Variants in PRKCH observed in about 807,000 individuals in gnomAD.
The protein encoded by PRKCH is protein kinase C eta type.
In PRKCH, 28 loss-of-function variants were observed where a neutral mutation model predicts 82.5. The ratio of observed to expected loss-of-function variants is 0.34; its 90% confidence interval spans 0.25 to 0.47. The LOEUF (loss-of-function observed/expected upper bound fraction) is 0.47, where lower values mean the gene tolerates loss of function less well. PRKCH is among the 20% of genes least tolerant of loss of function. The probability of loss-of-function intolerance (pLI) is 1.00; values close to 1 mark genes in which losing one functional copy is unlikely to be tolerated. For missense variants in PRKCH, 705 were observed against 881.8 expected (o/e 0.80, Z 2.54); for synonymous variants, 322 against 327.4 (o/e 0.98, Z 0.18).
At chr14:61,485,359 C>A in intron 9 of PRKCH, 143 bp from the exon 10 acceptor site, 1 of 1,116,060 alleles carries the variant, frequency 9.0e-7, no homozygotes, top group Non-Finnish European at 1.3e-6. Context: ...TGCACTGCAC[C>A]CTGACCCATG....
At chr14:61,497,758 A>G (rs1886733604) in intron 10 of PRKCH, among the ~76,000 whole-genome samples, 1 of 152,114 alleles carries the variant, frequency 6.6e-6, no homozygotes, top group Non-Finnish European at 1.5e-5. Flanking sequence ...CCTTTTCAGT[A>G]TAAGAGGATG....
At chr14:61,365,487 T>C (rs1357041470) in intron 1 of PRKCH, among the ~76,000 whole-genome samples, 1 of 152,096 alleles carries the variant, frequency 6.6e-6, no homozygotes, top group African/African-American at 2.4e-5. Flanking sequence ...AGACTACAAG[T>C]GTAGAGGGAA....
intron 1 of PRKCH, among the ~76,000 whole-genome samples, chr14:61,368,483 C>T (rs915278105): frequency 6.6e-5 from 10 of 152,066 alleles, no homozygotes; most frequent in African/African-American, 2.2e-4. Context: ...CCAGACTGAA[C>T]TGCGAGGAAA....
rs138425733 is a variant in PRKCH, at chr14:61,410,854, A to G, written c.427+19566A>G. Among the ~76,000 whole-genome samples, 35 of 152,324 alleles carry G rather than the reference A, an allele frequency of 2.3e-4. 1 individual carries two copies. The East Asian group carries it at 6.8e-3, about 29-fold the overall frequency. On this transcript the variant is annotated intron_variant, in intron 2 of 13. Coordinates refer to ENST00000332981, the MANE Select transcript of PRKCH (RefSeq NM_006255.5). The stretch of plus-strand genomic sequence containing the variant: ...TCACCTTCCACTATCAACACTGACC[A>G]GTGTGCCTGGCTAATTCCAAACCGT...
chr14:61,288,263 A>G lies in PRKCH; in HGVS notation c.-19+100595A>G, dbSNP rs375927020. 1.3e-3 allele frequency among the ~76,000 whole-genome samples: 196 copies of G among 152,200 alleles called. 7 individuals are homozygous for G. The South Asian group carries it at 0.04, about 31-fold the overall frequency. On this transcript the variant is annotated intron_variant, in intron 1 of 3. Coordinates refer to the PRKCH transcript ENST00000555185. ...GGAAAAAAAACTAAATACAAATTAA[A>G]TTTTATTTTTTTGTAGAAAGAGAGT...
rs78066268 is a variant in PRKCH, at chr14:61,224,953, T to A, written c.-19+37285T>A. ...GGTACTTTCCTAGCAGGATCTCACC[T>A]CTCAACAGGACTCACACATTGTCAG... On this transcript the variant is annotated intron_variant, in intron 1 of 3. Transcript: ENST00000555185. Among the ~76,000 whole-genome samples, 637 of 152,298 alleles carry A rather than the reference T, an allele frequency of 4.2e-3. 5 individuals are homozygous for A. The highest frequency in any genetic ancestry group is 0.015 in the African/African-American group (613 of 41,552).
chr14:61,420,334 C>T (rs1445829463), intron 2 of PRKCH, among the ~76,000 whole-genome samples: 3 of 152,128 alleles, frequency 2.0e-5, no homozygotes, highest in Non-Finnish European at 4.4e-5. Flanking sequence ...CCTTTTTCCT[C>T]CCTTAGAATG....
rs773762990 is a variant in PRKCH, at chr14:61,280,319, C to G, written c.-19+92651C>G. The G allele has an allele frequency of 4.2e-5, 67 of 1,613,748 alleles. No homozygotes were observed. In the Middle Eastern group the frequency reaches 4.9e-4, roughly 12 times the overall value. On this transcript the variant is annotated intron_variant, in intron 1 of 3. Transcript: ENST00000555185. This position sits in a 1 kb window ranked among gnomAD's most constrained non-coding sequence, Gnocchi z 5.0. ...ACGCGGTAGGCGCCCCGCGGCAGCC[C>G]GGCCGAGTAGTTGCCCTGGCGGATG...
chr14:61,449,451 C>G (rs1290300521), intron 5 of PRKCH, among the ~76,000 whole-genome samples, 199 bp downstream of exon 5: 1 of 152,012 alleles, frequency 6.6e-6, no homozygotes, highest in African/African-American at 2.4e-5. Flanking sequence ...ATGTCTCTCT[C>G]CCTTTTTTTA....
intron 1 of PRKCH, among the ~76,000 whole-genome samples, chr14:61,197,308 TG>T (rs1181046268): frequency 3.9e-5 from 6 of 152,242 alleles, no homozygotes; most frequent in African/African-American, 1.4e-4. Flanking sequence ...TAGATGTGTT[TG>T]TCACCTCTCC....
rs566583749 is a variant in PRKCH, at chr14:61,206,265, C to T, written c.-19+18597C>T. Among the ~76,000 whole-genome samples the T allele has an allele frequency of 4.8e-4, 73 of 152,322 alleles. 2 individuals carry two copies. The South Asian group carries it at 0.013, about 27-fold the overall frequency. On this transcript the variant is annotated intron_variant, in intron 1 of 3. Coordinates refer to the PRKCH transcript ENST00000555185. ...AGAAGTCTGAAATCAAGGTGTCATC[C>T]GGGCTGCAGTTCCTCTGAAGGCTCT...
intron 1 of PRKCH, among the ~76,000 whole-genome samples, chr14:61,297,682 A>G (rs1235923406): frequency 6.6e-6 from 1 of 152,146 alleles, no homozygotes; most frequent in Admixed American, 6.5e-5. Context: ...CTCCTGTGAG[A>G]ATGTAGTGCT....
intron 1 of PRKCH, among the ~76,000 whole-genome samples, chr14:61,232,617 A>G (rs1327117034): frequency 6.6e-6 from 1 of 152,232 alleles, no homozygotes; most frequent in Admixed American, 6.5e-5. Context: ...GTCCCCTTAG[A>G]GTTGGGGAAT....
chr14:61,382,002 T>C (rs2046518542), intron 1 of PRKCH, among the ~76,000 whole-genome samples: 1 of 152,240 alleles, frequency 6.6e-6, no homozygotes, highest in Non-Finnish European at 1.5e-5. Flanking sequence ...GTAACCTCAC[T>C]GAGCCTCCCT....
At chr14:61,487,125 C>T (rs922197687) in intron 10 of PRKCH, among the ~76,000 whole-genome samples, 1 of 152,164 alleles carries the variant, frequency 6.6e-6, no homozygotes, top group Non-Finnish European at 1.5e-5. Context: ...GGAACGCAAG[C>T]ACTGCATAGC....
intron 1 of PRKCH, among the ~76,000 whole-genome samples, chr14:61,273,713 C>T (rs1025610612): frequency 3.9e-5 from 6 of 152,188 alleles, no homozygotes; most frequent in African/African-American, 9.7e-5. Flanking sequence ...TAAGAATATA[C>T]GTGCATTCTC....
chr14:61,539,405 A>T (rs2043153459), intron 12 of PRKCH, among the ~76,000 whole-genome samples: 1 of 152,216 alleles, frequency 6.6e-6, no homozygotes. Context: ...GAGGAACAGT[A>T]TAGGGCATTT....
intron 1 of PRKCH, among the ~76,000 whole-genome samples, chr14:61,210,340 C>T (rs2140045300): frequency 6.6e-6 from 1 of 151,364 alleles, no homozygotes; most frequent in East Asian, 2.0e-4. Context: ...TAAAATGCCT[C>T]TTGGACACCA....
intron 1 of PRKCH, among the ~76,000 whole-genome samples, chr14:61,266,980 C>T (rs185514443): frequency 5.9e-5 from 9 of 152,164 alleles, no homozygotes; most frequent in African/African-American, 9.6e-5. Context: ...TCTTCAACCA[C>T]GCCAAGTCTA....
Sources: allele counts gnomAD v4.1 joint callset (sites outside exome capture counted in the v4.1 genomes callset), GRCh38; gene constraint gnomAD v4.1.1; non-coding constraint Gnocchi (gnomAD v3.1); transcripts MANE v1.5; gene names NCBI Gene and HGNC (gene_info 2026-07-23, HGNC 2026-07-21).